The following BCAS3 variants were observed in gnomAD, a reference collection of about 807,000 sequenced individuals.
The protein encoded by BCAS3 is BCAS4/BCAS3 fusion.
In BCAS3, 53 loss-of-function variants were observed where a neutral mutation model predicts 116.1. The observed-to-expected ratio is 0.46, with a 90% CI of 0.37 to 0.57. The LOEUF (loss-of-function observed/expected upper bound fraction) is 0.57, where lower values mean the gene tolerates loss of function less well. Ranked by LOEUF, BCAS3 falls within the 20% of genes least tolerant of loss-of-function variation. The pLI is 0.00. For missense variants in BCAS3, 917 were observed against 1,165.4 expected (o/e 0.79, Z 3.10); for synonymous variants, 391 against 408.2 (o/e 0.96, Z 0.51).
Position 61,186,557 on chromosome 17 carries a change from T to C in BCAS3, c.2425+101993T>C, listed in dbSNP as rs773316400. Among the ~76,000 whole-genome samples, 3 of 152,246 alleles carry C rather than the reference T, an allele frequency of 2.0e-5. No individual in the cohort carries two copies. Among genetic ancestry groups the C allele is most frequent in the Non-Finnish European group, 4.4e-5 (3 of 68,044 alleles). On this transcript the variant is annotated intron_variant, in intron 22 of 23. Coordinates refer to ENST00000407086, the MANE Select transcript of BCAS3 (RefSeq NM_017679.5). The surrounding 1 kb of genome is among the most constrained non-coding windows in gnomAD (Gnocchi z 4.9). ...TGGTCATAAATATGCTCATAACTTA[T>C]TTTAATTGTTCATTTGAATTTTTGT... is the stretch of plus-strand genomic sequence containing the variant.
chr17:61,349,532 C>T lies in BCAS3; in HGVS notation c.2426-18795C>T, dbSNP rs1276096689. On this transcript the variant is annotated intron_variant, in intron 22 of 23. Transcript: ENST00000407086. The surrounding 1 kb of genome is among the most constrained non-coding windows in gnomAD (Gnocchi z 4.7). ...TCTGCTTCTCCGAAAGCTTTTAGACCAGAGCCCCTCACTGCCCCCTGGTGT... is the reference window on the plus strand; with the variant it reads ...TCTGCTTCTCCGAAAGCTTTTAGACTAGAGCCCCTCACTGCCCCCTGGTGT... Among the ~76,000 whole-genome samples, 2 of 152,192 alleles carry T rather than the reference C, an allele frequency of 1.3e-5. No homozygotes were observed. The highest frequency in any genetic ancestry group is 1.9e-4 in the East Asian group (1 of 5,194).
Position 61,015,778 on chromosome 17 carries a change from A to G in BCAS3, c.1514A>G (p.Asn505Ser). ...AAACTGAACAGCCAAGACTCCTATA[A>G]CAATTTTACCAACAACAACCCTGGC... Reference protein sequence around the residue: ...HGKLNSQDSYNNFTNNNPGNP... With the variant: ...HGKLNSQDSYSNFTNNNPGNP... Residue 505 changes from asparagine (N) to serine (S), a missense_variant, in exon 16 of 24, where the codon AAC becomes AGC. By Grantham distance (46) the Asn-to-Ser change is conservative. Around this residue, in one of 3 missense-constraint regions of BCAS3, gnomAD observed 807 missense variants for 1,026.0 expected, o/e 0.79. Transcript: ENST00000407086. 1 of 1,613,946 alleles carries G rather than the reference A, an allele frequency of 6.2e-7. No homozygotes were observed.
chr17:61,194,255 C>T (rs1182834609), intron 22 of BCAS3, among the ~76,000 whole-genome samples: 1 of 152,176 alleles, frequency 6.6e-6, no homozygotes, highest in African/African-American at 2.4e-5. Context: ...ATTCTTTCCT[C>T]ACTATTACAA....
In BCAS3 at chr17:61,244,627, G is replaced by T. The variant is rs1057066884; in HGVS notation, c.2426-123700G>T. 2.0e-5 allele frequency among the ~76,000 whole-genome samples: 3 copies of T among 152,194 alleles called. No individual in the cohort carries two copies. Among genetic ancestry groups the T allele is most frequent in the African/African-American group, 7.2e-5 (3 of 41,444 alleles). On this transcript the variant is annotated intron_variant, in intron 22 of 23. Transcript: ENST00000407086. The surrounding 1 kb of genome is among the most constrained non-coding windows in gnomAD (Gnocchi z 4.9). ...GCCTGTAATCCCAGCACTTTGGGAG[G>T]CCAAAGCGGGCGGATCACGAGGTCA...
At position 60,919,425 on chromosome 17, in the gene BCAS3, A is replaced by G. The variant is rs370646409; in HGVS notation, c.994-4982A>G. On this transcript the variant is annotated intron_variant, in intron 12 of 23. Transcript: ENST00000407086. ...ACTGCAACCTCTGCCTCCCAGGTTT[A>G]AGTGATTCTTCTGCTCAGCCTCCCG... Among the ~76,000 whole-genome samples the G allele has an allele frequency of 2.6e-5, 4 of 152,170 alleles. No individual in the cohort carries two copies. The East Asian group carries it at 7.8e-4, about 30-fold the overall frequency.
intron 22 of BCAS3, among the ~76,000 whole-genome samples, chr17:61,152,197 G>GGTT (rs1289819059): frequency 6.6e-6 from 1 of 152,206 alleles, no homozygotes; most frequent in Non-Finnish European, 1.5e-5. Flanking sequence ...GACCCAAGCA[G>GGTT]GTTGCTGCTG....
intron 5 of BCAS3, among the ~76,000 whole-genome samples, chr17:60,722,759 CAAA>C (rs571361987): frequency 5.2e-5 from 4 of 77,378 alleles, no homozygotes; most frequent in African/African-American, 4.4e-5. Context: ...GACTCTGTCT[CAAA>C]AAAAAAAAAA....
At chr17:61,264,425 T>TA (rs1555799602) in intron 22 of BCAS3, among the ~76,000 whole-genome samples, 7 of 151,562 alleles carry the variant, frequency 4.6e-5, no homozygotes, top group African/African-American at 1.7e-4. Context: ...TTTTTTTTTT[T>TA]AGAGAGAGAG....
chr17:60,813,564 CA>C (rs1207030552), intron 7 of BCAS3, among the ~76,000 whole-genome samples: 5 of 152,110 alleles, frequency 3.3e-5, no homozygotes, highest in South Asian at 4.1e-4. Context: ...TAAATATTCA[CA>C]AAAAATATTC....
chr17:61,078,771 G>A lies in BCAS3; in HGVS notation c.2327+242G>A, dbSNP rs367770171. Among the ~76,000 whole-genome samples the A allele has an allele frequency of 2.2e-4, 34 of 152,246 alleles. 1 individual carries two copies. The East Asian group carries it at 6.4e-3, about 29-fold the overall frequency. Reference sequence around the variant, plus strand: ...ATTCTCCCTAAATCTAATAGTCACTGCACTTTTCAAGCAATTCCACTTTTT... The same window carrying A: ...ATTCTCCCTAAATCTAATAGTCACTACACTTTTCAAGCAATTCCACTTTTT... On this transcript the variant is annotated intron_variant, in intron 21 of 23. Coordinates refer to ENST00000407086, the MANE Select transcript of BCAS3 (RefSeq NM_017679.5).
At chr17:61,291,235 G>T (rs1049006499) in intron 22 of BCAS3, among the ~76,000 whole-genome samples, 1 of 152,114 alleles carries the variant, frequency 6.6e-6, no homozygotes, top group African/African-American at 2.4e-5. Flanking sequence ...CAAAAGAAAC[G>T]AATAACCCAG....
chr17:61,392,386 C>A lies in BCAS3; in HGVS notation c.*261C>A. 2 of 334,920 alleles carry A rather than the reference C, an allele frequency of 6.0e-6. No individual in the cohort carries two copies. Among genetic ancestry groups the A allele is most frequent in the East Asian group, 4.9e-5 (1 of 20,560 alleles). The allele number at this position is 334,920 out of a possible 1,614,324, so 20.7% of individuals were successfully genotyped here. ...GAAGCTCGGTCCCTGTGTATGTTTG[C>A]ATATGACATCCTGCATTGGATCCGC... On this transcript the variant is annotated 3_prime_UTR_variant, in exon 24 of 24. Transcript: ENST00000407086. The surrounding 1 kb of genome is among the most constrained non-coding windows in gnomAD (Gnocchi z 6.4).
intron 7 of BCAS3, among the ~76,000 whole-genome samples, chr17:60,845,902 G>C (rs1160905886): frequency 2.0e-5 from 3 of 150,564 alleles, no homozygotes; most frequent in African/African-American, 4.9e-5. Flanking sequence ...GAGAAGCTGG[G>C]CCCACAGGTA....
At chr17:60,945,311 T>TG (rs777081718) in intron 13 of BCAS3, among the ~76,000 whole-genome samples, 24 of 152,158 alleles carry the variant, frequency 1.6e-4, no homozygotes, top group Admixed American at 5.9e-4. Context: ...GGATAACAGT[T>TG]GTCCCCAAAT....
intron 10 of BCAS3, chr17:60,891,599 C>A (rs989850588): frequency 2.3e-6 from 1 of 435,300 alleles, no homozygotes; most frequent in African/African-American, 2.1e-5. Context: ...TTTGGGGTAC[C>A]AGTCTCTTTC....
At chr17:61,027,494 T>A (rs1425425403) in intron 16 of BCAS3, 1 of 387,558 alleles carries the variant, frequency 2.6e-6, no homozygotes, top group African/African-American at 2.1e-5. Flanking sequence ...AGCTTAATTA[T>A]TTGGTAAATT....
rs974078445 is a variant in BCAS3 at position 61,215,469 on chromosome 17, A to G, written c.2425+130905A>G. ...TAGATTTGTAGTAATTCTATGATAT[A>G]TTACTTGAAGAACAGAGGCAACATT... On this transcript the variant is annotated intron_variant, in intron 22 of 23. Transcript: ENST00000407086. This position sits in a 1 kb window ranked among gnomAD's most constrained non-coding sequence, Gnocchi z 4.8. Among the ~76,000 whole-genome samples the G allele has an allele frequency of 2.0e-5, 3 of 152,192 alleles. No individual in the cohort carries two copies. Among genetic ancestry groups the G allele is most frequent in the African/African-American group, 7.2e-5 (3 of 41,466 alleles).
At chr17:60,752,485 G>A (rs1006925587) in intron 6 of BCAS3, among the ~76,000 whole-genome samples, 26 of 151,174 alleles carry the variant, frequency 1.7e-4, no homozygotes, top group African/African-American at 4.6e-4. Flanking sequence ...GTGCAGTGGC[G>A]CGATCTTGGC....
chr17:60,774,236 G>A (rs1358459411), intron 6 of BCAS3, among the ~76,000 whole-genome samples: 2 of 151,790 alleles, frequency 1.3e-5, no homozygotes, highest in Non-Finnish European at 2.9e-5. Flanking sequence ...AGTATCTAAT[G>A]TTGTTAACCC....
Sources: allele counts gnomAD v4.1 joint callset (sites outside exome capture counted in the v4.1 genomes callset), GRCh38; gene constraint gnomAD v4.1.1; regional missense constraint gnomAD v4.1.1; non-coding constraint Gnocchi (gnomAD v3.1); transcripts MANE v1.5; gene names NCBI Gene and HGNC (gene_info 2026-07-23, HGNC 2026-07-21).